Variants in MEGF10 observed in about 807,000 individuals in gnomAD.
MEGF10 encodes multiple epidermal growth factor-like domains protein 10.
Under a neutral mutation model 147.5 loss-of-function variants are expected in MEGF10, and 86 were observed. That is an observed-to-expected ratio of 0.58 (90% CI 0.49 to 0.70). MEGF10 has a LOEUF of 0.70. MEGF10 is among the 30% of genes least tolerant of loss of function. The pLI, the probability that MEGF10 is intolerant of heterozygous loss-of-function variation, is 0.00. For missense variants in MEGF10, 1,329 were observed against 1,487.3 expected (o/e 0.89, Z 1.75); for synonymous variants, 478 against 525.5 (o/e 0.91, Z 1.24).
chr5:127,410,236 C>T (rs988957038), intron 8 of MEGF10, among the ~76,000 whole-genome samples, 153 bp from the exon 9 acceptor site: 7 of 152,194 alleles, frequency 4.6e-5, no homozygotes, highest in Non-Finnish European at 8.8e-5. Flanking sequence ...TGTATCTTAA[C>T]GCTTTTCATC....
chr5:127,267,373 G>A, the MEGF10 span, among the ~76,000 whole-genome samples: 2 of 151,994 alleles, frequency 1.3e-5, no homozygotes, highest in Admixed American at 1.3e-4. Flanking sequence ...GGATATTGGT[G>A]TAAAATTCTC....
rs141746321 is a variant in MEGF10 at position 127,411,550 on chromosome 5, CTGTG to C, written c.1130+966_1130+969del. ...GTAACAAAAATATAGAGTTTGCACT[CTGTG>C]TGTGTGTGTGTGTGTGCGCGCATAT... is the stretch of plus-strand genomic sequence containing the variant. On this transcript the variant is annotated intron_variant, in intron 9 of 24. Coordinates refer to ENST00000503335, the MANE Select transcript of MEGF10 (RefSeq NM_001256545.2). 7.7e-3 allele frequency among the ~76,000 whole-genome samples: 1,150 copies of C among 149,548 alleles called. 14 individuals carry two copies. Among genetic ancestry groups the C allele is most frequent in the African/African-American group, 0.026 (1,077 of 40,956 alleles).
chr5:127,280,698 C>T, the MEGF10 span, among the ~76,000 whole-genome samples: 1 of 152,098 alleles, frequency 6.6e-6, no homozygotes, highest in Non-Finnish European at 1.5e-5. Context: ...CATGCTGGAT[C>T]CCTGATTGCT....
chr5:127,449,764 G>T (rs1246348826), intron 22 of MEGF10, among the ~76,000 whole-genome samples: 2 of 152,130 alleles, frequency 1.3e-5, no homozygotes, highest in African/African-American at 4.8e-5. Flanking sequence ...GAATACAGTG[G>T]ATCAGTGGTT....
At chr5:127,397,811 A>T (rs533539877) in intron 6 of MEGF10, among the ~76,000 whole-genome samples, 3 of 152,330 alleles carry the variant, frequency 2.0e-5, no homozygotes, top group African/African-American at 7.2e-5. Context: ...GGCTTAAAGA[A>T]GAAGGGCCAT....
chr5:127,266,419 C>T, the MEGF10 span, among the ~76,000 whole-genome samples: 5 of 152,168 alleles, frequency 3.3e-5, no homozygotes, highest in East Asian at 9.6e-4. Flanking sequence ...TTTTTGGTTC[C>T]ATATGAACTT....
intron 13 of MEGF10, among the ~76,000 whole-genome samples, chr5:127,426,166 A>T (rs1269236458): frequency 1.3e-5 from 2 of 152,226 alleles, no homozygotes; most frequent in Admixed American, 6.5e-5. Flanking sequence ...ATGCCAAGGA[A>T]GATGGCTTGC....
chr5:127,231,489 C>T, the MEGF10 span, among the ~76,000 whole-genome samples: 765 of 152,364 alleles, frequency 5.0e-3, 6 homozygotes, highest in African/African-American at 0.018. Context: ...CCTTCCCTGA[C>T]AGCTGCACTC....
intron 5 of MEGF10, among the ~76,000 whole-genome samples, chr5:127,388,421 T>A (rs909024343): frequency 6.6e-6 from 1 of 152,126 alleles, no homozygotes; most frequent in Non-Finnish European, 1.5e-5. Flanking sequence ...AGTGCTGGAA[T>A]TACAAGCGTA....
At chr5:127,247,477 A>G in the MEGF10 span, among the ~76,000 whole-genome samples, 283 of 147,624 alleles carry the variant, frequency 1.9e-3, 23 homozygotes, top group African/African-American at 7.0e-3. Context: ...GAAGAAGAAG[A>G]AGAAGAAGAA....
chr5:127,441,874 A>C (rs1765768966), intron 18 of MEGF10, among the ~76,000 whole-genome samples: 1 of 152,110 alleles, frequency 6.6e-6, no homozygotes, highest in African/African-American at 2.4e-5. Context: ...TATGTGCTAA[A>C]CCCTAGGGTA....
intron 5 of MEGF10, among the ~76,000 whole-genome samples, chr5:127,383,698 A>G (rs1763333299): frequency 6.6e-6 from 1 of 150,612 alleles, no homozygotes; most frequent in African/African-American, 2.4e-5. Context: ...ACCAGGCACA[A>G]AGGAGTCAGA....
the MEGF10 span, among the ~76,000 whole-genome samples, chr5:127,250,507 A>G: frequency 6.6e-6 from 1 of 152,062 alleles, no homozygotes; most frequent in Non-Finnish European, 1.5e-5. Context: ...AATAGAAGGA[A>G]ACTTCATTGA....
At position 127,434,750 on chromosome 5, in the gene MEGF10, G is replaced by A; in HGVS notation, c.1904G>A (p.Ser635Asn). The A allele has an allele frequency of 6.2e-7, 1 of 1,614,004 alleles. No homozygotes were observed. The highest frequency in any genetic ancestry group is 1.3e-5 in the African/African-American group (1 of 75,060). Residue 635 changes from serine to asparagine, a missense_variant, in exon 15 of 25, where the codon AGC becomes AAC. By Grantham distance (46) the Ser-to-Asn change is conservative. This residue lies in a region of MEGF10 where 980 missense variants were observed against 1,085.9 expected (regional missense o/e 0.90). Transcript: ENST00000503335. ...ACATGCCCACAGTGCGTTCACAGCA[G>A]CGGGCCCTGCCACCACATCACCGGC... ...SQTCPQCVHS[S>N]GPCHHITGLC...
At chr5:127,324,546 G>A (rs944181853) in intron 1 of MEGF10, among the ~76,000 whole-genome samples, 1 of 151,918 alleles carries the variant, frequency 6.6e-6, no homozygotes, top group Non-Finnish European at 1.5e-5. Flanking sequence ...ACATACTTCC[G>A]ATTCCTAGGC....
intron 1 of MEGF10, among the ~76,000 whole-genome samples, chr5:127,308,948 G>T (rs1760136428): frequency 6.6e-6 from 1 of 152,080 alleles, no homozygotes; most frequent in African/African-American, 2.4e-5. Flanking sequence ...GCTCTATTTT[G>T]GTTTCTGTGT....
rs539102173 is a variant in MEGF10, at chr5:127,387,146, A to G, written c.413-9386A>G. Among the ~76,000 whole-genome samples the G allele has an allele frequency of 3.4e-3, 516 of 152,294 alleles. 1 individual carries two copies. The highest frequency in any genetic ancestry group is 0.012 in the African/African-American group (483 of 41,556). ...AAAATGAGTTCATCTATTTTTATCA[A>G]TTGCTTGGTTGGTTGCTGATAGAGT... On this transcript the variant is annotated intron_variant, in intron 5 of 24. Coordinates refer to ENST00000503335, the MANE Select transcript of MEGF10 (RefSeq NM_001256545.2).
chr5:127,252,453 A>G, the MEGF10 span, among the ~76,000 whole-genome samples: 1 of 151,926 alleles, frequency 6.6e-6, no homozygotes, highest in Non-Finnish European at 1.5e-5. Context: ...AGGATGAAGT[A>G]CATATAGTTT....
chr5:127,236,563 A>C, the MEGF10 span, among the ~76,000 whole-genome samples: 1 of 152,214 alleles, frequency 6.6e-6, no homozygotes, highest in African/African-American at 2.4e-5. Flanking sequence ...TATTCTGAGC[A>C]TGCCCTGTGC....
Sources: gnomAD v4.1 joint callset for allele counts (sites outside exome capture counted in the v4.1 genomes callset) on GRCh38, gnomAD v4.1.1 for gene constraint, gnomAD v4.1.1 regional missense constraint, MANE v1.5 for transcripts, NCBI Gene and HGNC (gene_info 2026-07-23, HGNC 2026-07-21) for gene names.